GLCCI1: variants seen among roughly 807,000 people sequenced by gnomAD.
The protein encoded by GLCCI1 is glucocorticoid-induced transcript 1 protein.
Under a neutral mutation model 52.2 loss-of-function variants are expected in GLCCI1, and 24 were observed. That is an observed-to-expected ratio of 0.46 (90% CI 0.33 to 0.65). The LOEUF is 0.65. Ranked by LOEUF, GLCCI1 falls within the 30% of genes least tolerant of loss-of-function variation. The pLI, the probability that GLCCI1 is intolerant of heterozygous loss-of-function variation, is 0.02. For missense variants in GLCCI1, 704 were observed against 701.5 expected, an observed-to-expected ratio of 1.00 and a Z score of -0.04; for synonymous variants, 310 against 276.5, an observed-to-expected ratio of 1.12 and a Z score of -1.20.
intron 5 of GLCCI1, among the ~76,000 whole-genome samples, chr7:8,063,061 AACTT>A (rs1391259476): frequency 6.6e-6 from 1 of 152,180 alleles, no homozygotes; most frequent in Non-Finnish European, 1.5e-5. Flanking sequence ...ACAGTGGCTA[AACTT>A]ACTTACATTC....
At chr7:8,080,316 C>G (rs1782968241) in intron 6 of GLCCI1, among the ~76,000 whole-genome samples, 1 of 151,490 alleles carries the variant, frequency 6.6e-6, no homozygotes, top group Admixed American at 6.6e-5. Context: ...TTTAGTATGT[C>G]ATTGAGTAAA....
chr7:8,027,461 C>G (rs1428935652), intron 3 of GLCCI1, among the ~76,000 whole-genome samples: 1 of 152,052 alleles, frequency 6.6e-6, no homozygotes, highest in African/African-American at 2.4e-5. Context: ...GTACTCCTGC[C>G]TGGGTAACAG....
intron 3 of GLCCI1, among the ~76,000 whole-genome samples, chr7:8,024,150 G>C (rs1188251480): frequency 1.3e-5 from 2 of 151,808 alleles, no homozygotes; most frequent in Non-Finnish European, 2.9e-5. Context: ...CAGTTTCCAG[G>C]CCTCTTTGTA....
intron 4 of GLCCI1, among the ~76,000 whole-genome samples, chr7:8,057,350 C>CGGAT (rs1163401673): frequency 6.6e-6 from 1 of 151,650 alleles, no homozygotes; most frequent in Middle Eastern, 3.2e-3. Context: ...TCCATGCATC[C>CGGAT]ATGCAATACT....
At chr7:7,979,949 T>G (rs1780576246) in intron 1 of GLCCI1, among the ~76,000 whole-genome samples, 1 of 152,236 alleles carries the variant, frequency 6.6e-6, no homozygotes, top group African/African-American at 2.4e-5. Flanking sequence ...TTTCTGTCTT[T>G]CTTTCTGGCA....
intron 3 of GLCCI1, among the ~76,000 whole-genome samples, chr7:8,042,002 C>T (rs957748379): frequency 3.3e-5 from 5 of 152,088 alleles, no homozygotes; most frequent in Non-Finnish European, 7.4e-5. Context: ...AGAACAAAGC[C>T]TGGATGATAT....
chr7:8,013,268 T>A (rs930879084), intron 2 of GLCCI1, among the ~76,000 whole-genome samples: 1 of 152,328 alleles, frequency 6.6e-6, no homozygotes, highest in Admixed American at 6.5e-5. Flanking sequence ...TTCTGGAGTT[T>A]ATTTTGATGG....
chr7:8,044,133 G>A (rs1782067163), intron 3 of GLCCI1, among the ~76,000 whole-genome samples: 1 of 151,846 alleles, frequency 6.6e-6, no homozygotes, highest in African/African-American at 2.4e-5. Context: ...TTTTAGTAGA[G>A]ACAGGGTTTC....
At chr7:8,037,336 C>G (rs946843614) in intron 3 of GLCCI1, among the ~76,000 whole-genome samples, 1 of 152,122 alleles carries the variant, frequency 6.6e-6, no homozygotes, top group Non-Finnish European at 1.5e-5. Context: ...TTCCCAGACA[C>G]GTGAATGCCA....
intron 2 of GLCCI1, among the ~76,000 whole-genome samples, chr7:8,020,686 T>G (rs886670237): frequency 2.0e-5 from 3 of 148,398 alleles, no homozygotes; most frequent in Non-Finnish European, 4.6e-5. Context: ...TGGAAAATGC[T>G]AAAAATTTGA....
chr7:7,986,329 G>A (rs1361924308), intron 1 of GLCCI1, among the ~76,000 whole-genome samples: 3 of 151,608 alleles, frequency 2.0e-5, no homozygotes, highest in Non-Finnish European at 2.9e-5. Flanking sequence ...TGGCTAACAC[G>A]GTGAAACCCT....
At chr7:8,062,673 A>G (rs186120086) in intron 5 of GLCCI1, among the ~76,000 whole-genome samples, 1 of 152,186 alleles carries the variant, frequency 6.6e-6, no homozygotes, top group Admixed American at 6.5e-5. Context: ...TTGTATCTGT[A>G]TGTACTCAAT....
chr7:8,054,396 C>G (rs920112466), intron 3 of GLCCI1, among the ~76,000 whole-genome samples: 1 of 152,068 alleles, frequency 6.6e-6, no homozygotes, highest in Non-Finnish European at 1.5e-5. Flanking sequence ...CTTTAAAAAA[C>G]TTAAAAGGAT....
intron 2 of GLCCI1, among the ~76,000 whole-genome samples, chr7:8,021,107 G>T (rs1774763219): frequency 6.6e-6 from 1 of 152,120 alleles, no homozygotes. Context: ...CTAGCATTCA[G>T]TTGTTAACGG....
chr7:7,980,108 G>A (rs1780581036), intron 1 of GLCCI1, among the ~76,000 whole-genome samples: 1 of 152,064 alleles, frequency 6.6e-6, no homozygotes. Context: ...AGTAGAGATG[G>A]GGTTTCGAAC....
intron 3 of GLCCI1, among the ~76,000 whole-genome samples, chr7:8,036,233 C>T (rs757411361): frequency 5.3e-5 from 8 of 152,178 alleles, no homozygotes; most frequent in Non-Finnish European, 1.2e-4. Context: ...TGAGTTTGTT[C>T]ACATGCCCAG....
chr7:8,053,071 T>A (rs1782296111), intron 3 of GLCCI1, among the ~76,000 whole-genome samples: 1 of 151,588 alleles, frequency 6.6e-6, no homozygotes. Flanking sequence ...GGGGAAATAA[T>A]CAGGACAAAA....
intron 4 of GLCCI1, among the ~76,000 whole-genome samples, chr7:8,058,536 G>T (rs1158991144): frequency 6.6e-6 from 1 of 152,158 alleles, no homozygotes; most frequent in Non-Finnish European, 1.5e-5. Flanking sequence ...TTATCAGATA[G>T]TAGCTCCAGG....
intron 1 of GLCCI1, among the ~76,000 whole-genome samples, chr7:7,976,573 G>A (rs559022208): frequency 1.7e-4 from 25 of 150,584 alleles, no homozygotes; most frequent in African/African-American, 6.1e-4. Context: ...CCACGGTTGT[G>A]TGGCAAGGTC....
Sources: allele counts gnomAD v4.1 joint callset (sites outside exome capture counted in the v4.1 genomes callset), GRCh38; gene constraint gnomAD v4.1.1; transcripts MANE v1.5; gene names NCBI Gene and HGNC (gene_info 2026-07-23, HGNC 2026-07-21).